The following MALRD1 variants were observed in gnomAD, a reference collection of about 807,000 sequenced individuals.
MALRD1 encodes MAM and LDL-receptor class A domain-containing protein 1.
A neutral mutation model predicts 242.1 loss-of-function variants in MALRD1; 247 were observed. The ratio of observed to expected loss-of-function variants is 1.02; its 90% CI spans 0.92 to 1.13. The LOEUF is 1.13. Ranked by LOEUF, MALRD1 falls within the 50% of genes most tolerant of loss-of-function variation. The pLI is 0.00. For missense variants in MALRD1, 2,989 were observed against 2,533.1 expected (o/e 1.18, Z -3.86); for synonymous variants, 995 against 866.6 (o/e 1.15, Z -2.60).
chr10:19,683,645 G>A lies in MALRD1; in HGVS notation c.6138-8637G>A, dbSNP rs1400251572. ...CAGGATGAGGCTTAATGTGATAAAC[G>A]GACATTTTCAGACCTTTACAGCCAG... is the stretch of plus-strand genomic sequence containing the variant. On this transcript the variant is annotated intron_variant, in intron 36 of 39. Coordinates refer to ENST00000454679, the MANE Select transcript of MALRD1 (RefSeq NM_001142308.3). Among the ~76,000 whole-genome samples the A allele has an allele frequency of 2.0e-5, 3 of 152,152 alleles. 1 individual carries two copies. The highest frequency in any genetic ancestry group is 3.9e-4 in the East Asian group (2 of 5,188).
chr10:19,473,656 A>G (rs1356114213), intron 29 of MALRD1, among the ~76,000 whole-genome samples: 1 of 152,090 alleles, frequency 6.6e-6, no homozygotes, highest in East Asian at 1.9e-4. Flanking sequence ...CAAAACTTCC[A>G]TGAAAACTTG....
At chr10:19,239,721 A>G (rs978484807) in intron 18 of MALRD1, among the ~76,000 whole-genome samples, 1 of 152,140 alleles carries the variant, frequency 6.6e-6, no homozygotes, top group Non-Finnish European at 1.5e-5. Context: ...ACATGTAGAT[A>G]TCCAATCTTC....
intron 39 of MALRD1, among the ~76,000 whole-genome samples, chr10:19,732,177 A>T (rs564276477): frequency 6.6e-6 from 1 of 152,352 alleles, no homozygotes; most frequent in East Asian, 1.9e-4. Flanking sequence ...TACACATTTA[A>T]GAAAACAAAT....
chr10:19,226,596 T>A (rs1034777321), intron 18 of MALRD1, among the ~76,000 whole-genome samples: 1 of 151,792 alleles, frequency 6.6e-6, no homozygotes, highest in Non-Finnish European at 1.5e-5. Context: ...TCCTTTTGGA[T>A]AAATTACAAA....
At chr10:19,459,834 A>G (rs1835844047) in intron 29 of MALRD1, among the ~76,000 whole-genome samples, 1 of 151,396 alleles carries the variant, frequency 6.6e-6, no homozygotes, top group African/African-American at 2.4e-5. Flanking sequence ...TAATCCAAGC[A>G]CAATGATATA....
chr10:19,516,641 C>A (rs1165096001), intron 31 of MALRD1, among the ~76,000 whole-genome samples: 2 of 151,312 alleles, frequency 1.3e-5, no homozygotes, highest in South Asian at 4.2e-4. Context: ...CCTCTTCCTC[C>A]TCCTCCTCTT....
At position 19,284,357 on chromosome 10, in the gene MALRD1, C is replaced by T. The variant is rs534963675; in HGVS notation, c.3419+1176C>T. 2.0e-5 allele frequency among the ~76,000 whole-genome samples: 3 copies of T among 149,908 alleles called. No homozygotes were observed. In the East Asian group the frequency reaches 6.0e-4, roughly 30 times the overall value. ...CGCTGGTGCGCTGCACCCACTAACTCGTCATCTAGCATTAGGTATATCTCC... is the reference window on the plus strand; with the variant it reads ...CGCTGGTGCGCTGCACCCACTAACTTGTCATCTAGCATTAGGTATATCTCC... On this transcript the variant is annotated intron_variant, in intron 21 of 39. Coordinates refer to ENST00000454679, the MANE Select transcript of MALRD1 (RefSeq NM_001142308.3).
intron 32 of MALRD1, among the ~76,000 whole-genome samples, chr10:19,560,946 C>T (rs940005793): frequency 1.3e-5 from 2 of 151,732 alleles, no homozygotes; most frequent in African/African-American, 2.4e-5. Flanking sequence ...TATCCCAAAA[C>T]TTAAAGTATA....
intron 1 of MALRD1, among the ~76,000 whole-genome samples, chr10:19,065,842 T>A (rs1273339216): frequency 2.6e-5 from 4 of 152,192 alleles, no homozygotes; most frequent in Admixed American, 6.5e-5. Context: ...GGCGCTGTAT[T>A]TAATTTCAGG....
At chr10:19,588,025 A>G (rs1189074008) in intron 33 of MALRD1, among the ~76,000 whole-genome samples, 3 of 152,114 alleles carry the variant, frequency 2.0e-5, no homozygotes, top group Non-Finnish European at 4.4e-5. Context: ...CATCATCTGC[A>G]AAAGTCCTTT....
chr10:19,406,148 C>T (rs1450923383), intron 28 of MALRD1, among the ~76,000 whole-genome samples: 1 of 152,086 alleles, frequency 6.6e-6, no homozygotes, highest in Non-Finnish European at 1.5e-5. Context: ...AATGCTATAC[C>T]AGTGGAAGAG....
intron 31 of MALRD1, among the ~76,000 whole-genome samples, chr10:19,524,123 G>C (rs1345536033): frequency 6.6e-6 from 1 of 152,004 alleles, no homozygotes; most frequent in Non-Finnish European, 1.5e-5. Flanking sequence ...TTTCCATTCT[G>C]ACAACTTTGA....
rs184022478 is a variant in MALRD1 at position 19,129,952 on chromosome 10, C to A, written c.1110+1565C>A. On this transcript the variant is annotated intron_variant, in intron 8 of 39. Transcript: ENST00000454679. ...ATGTGGATGTGATATATATATATAT[C>A]TCTATCTCCCCACACATCCATATAC... Among the ~76,000 whole-genome samples the A allele has an allele frequency of 5.3e-3, 784 of 146,876 alleles. 8 individuals carry two copies. The highest frequency in any genetic ancestry group is 0.018 in the African/African-American group (740 of 40,576).
chr10:19,371,208 T>C (rs1333556096), intron 26 of MALRD1, among the ~76,000 whole-genome samples: 3 of 151,826 alleles, frequency 2.0e-5, no homozygotes, highest in Non-Finnish European at 2.9e-5. Context: ...ATGATGGCCC[T>C]ACTGCACTTT....
intron 28 of MALRD1, among the ~76,000 whole-genome samples, chr10:19,439,754 T>C (rs1015229805): frequency 1.3e-5 from 2 of 152,184 alleles, no homozygotes; most frequent in East Asian, 3.8e-4. Context: ...TTGTTTTGAA[T>C]GTGTCATATT....
At position 19,155,099 on chromosome 10, in the gene MALRD1, A is replaced by G. The variant is rs539101752; in HGVS notation, c.1583A>G (p.Gln528Arg). 8.1e-6 allele frequency: 10 copies of G among 1,231,592 alleles called. No individual in the cohort carries two copies. In the South Asian group the frequency reaches 2.9e-4, roughly 35 times the overall value. 76.3% of individuals were successfully genotyped at this position (1,231,592 alleles called of 1,614,324 possible). A position where few individuals can be genotyped will look rare whatever the true frequency, so the allele number is the denominator to read the frequency against. ...NHGSFIYLEA[Q>R]RSPGVAKLGS... ...GGATCGTTTATTTATTTGGAGGCAC[A>G]GCGCTCCCCCGGGGTGGCCAAGCTT... The change falls in exon 12 of 40, where the codon CAG (glutamine) becomes CGG (arginine). Residue 528 changes from glutamine (Q) to arginine (R), a missense_variant. Coordinates refer to ENST00000454679, the MANE Select transcript of MALRD1 (RefSeq NM_001142308.3).
At chr10:19,365,640 T>G (rs981553656) in intron 26 of MALRD1, among the ~76,000 whole-genome samples, 1 of 147,390 alleles carries the variant, frequency 6.8e-6, no homozygotes, top group Admixed American at 6.9e-5. Context: ...GTCTGATAAT[T>G]GACATGTTTT....
chr10:19,262,775 C>T (rs1212187661), intron 19 of MALRD1, among the ~76,000 whole-genome samples: 5 of 151,932 alleles, frequency 3.3e-5, no homozygotes, highest in Admixed American at 6.6e-5. Flanking sequence ...TTTGTACCAT[C>T]TTACCAACAT....
At chr10:19,205,956 G>C (rs1047607265) in intron 17 of MALRD1, among the ~76,000 whole-genome samples, 4 of 150,018 alleles carry the variant, frequency 2.7e-5, no homozygotes, top group African/African-American at 9.8e-5. Flanking sequence ...AAAAGAAAAA[G>C]TTTGCATCTT....
Sources: allele counts gnomAD v4.1 joint callset (sites outside exome capture counted in the v4.1 genomes callset), GRCh38; gene constraint gnomAD v4.1.1; transcripts MANE v1.5; gene names NCBI Gene and HGNC (gene_info 2026-07-23, HGNC 2026-07-21).